Variants in LEKR1 observed in about 807,000 individuals in gnomAD.
LEKR1 encodes leucine, glutamate and lysine rich 1, also known as protein LEKR1.
A neutral mutation model predicts 72.4 loss-of-function variants in LEKR1; 59 were observed. The observed-to-expected ratio is 0.82, with a 90% CI of 0.66 to 1.01. The LOEUF is 1.01. Ranked by LOEUF, LEKR1 falls within the 50% of genes least tolerant of loss-of-function variation. The pLI, the probability that LEKR1 is intolerant of heterozygous loss-of-function variation, is 0.00. For synonymous variants in LEKR1, 257 were observed against 263.2 expected (o/e 0.98, Z 0.23); for missense variants, 728 against 759.2 (o/e 0.96, Z 0.48).
chr3:156,831,262 G>A (rs868329204), intron 2 of LEKR1, among the ~76,000 whole-genome samples: 1 of 152,058 alleles, frequency 6.6e-6, no homozygotes, highest in African/African-American at 2.4e-5. Flanking sequence ...CCAATTGTAG[G>A]TTCTACAATA....
chr3:156,834,730 G>A (rs1470804923), intron 2 of LEKR1, among the ~76,000 whole-genome samples: 1 of 152,148 alleles, frequency 6.6e-6, no homozygotes, highest in Non-Finnish European at 1.5e-5. Context: ...AATGACTGAA[G>A]AATAGACAAG....
intron 3 of LEKR1, among the ~76,000 whole-genome samples, chr3:156,906,728 G>A (rs1722567302): frequency 6.6e-6 from 1 of 152,174 alleles, no homozygotes; most frequent in Admixed American, 6.5e-5. Flanking sequence ...AAGTCAGAGT[G>A]AACTAATGTG....
intron 7 of LEKR1, among the ~76,000 whole-genome samples, chr3:156,982,855 G>GGA (rs1553820692): frequency 7.1e-6 from 1 of 139,998 alleles, no homozygotes; most frequent in Non-Finnish European, 1.5e-5. Flanking sequence ...GTGTGTGTGT[G>GGA]TAGATAGATA....
intron 3 of LEKR1, among the ~76,000 whole-genome samples, chr3:156,888,092 T>A (rs1274520323): frequency 1.3e-5 from 2 of 152,172 alleles, no homozygotes; most frequent in Non-Finnish European, 2.9e-5. Context: ...CCTTAGTTCA[T>A]GTAGCTTTTT....
intron 12 of LEKR1, among the ~76,000 whole-genome samples, chr3:157,041,064 G>A (rs1428443860): frequency 6.6e-6 from 1 of 152,128 alleles, no homozygotes; most frequent in East Asian, 1.9e-4. Context: ...TCAAACATAT[G>A]GTGAACTAAT....
intron 10 of LEKR1, among the ~76,000 whole-genome samples, chr3:157,022,292 C>T (rs1056119279): frequency 1.3e-5 from 2 of 151,890 alleles, no homozygotes; most frequent in South Asian, 2.1e-4. Flanking sequence ...TGAGAAACCA[C>T]GAAGAAGGAA....
chr3:156,927,421 C>G lies in LEKR1; in HGVS notation c.384-8C>G. ...TTTAAAATCCTATTTTTTTTTTTTA[C>G]TTTGCAGTCAAAGATTGTCAGAGTA... On this transcript the variant is annotated splice_polypyrimidine_tract_variant and splice_region_variant and intron_variant, in intron 4 of 12. Transcript: ENST00000356539. 2 of 950,278 alleles carry G rather than the reference C, an allele frequency of 2.1e-6. No homozygotes were observed. Among genetic ancestry groups the G allele is most frequent in the South Asian group, 2.3e-5 (1 of 43,050 alleles). The allele number at this position is 950,278 out of a possible 1,614,324, so 58.9% of individuals were successfully genotyped here.
At chr3:157,026,651 A>T (rs1028134639) in intron 11 of LEKR1, among the ~76,000 whole-genome samples, 5 of 152,224 alleles carry the variant, frequency 3.3e-5, no homozygotes, top group African/African-American at 1.2e-4. Flanking sequence ...TTAACATTTG[A>T]AACAAATTTT....
At chr3:156,948,028 A>T (rs1166264058) in intron 6 of LEKR1, among the ~76,000 whole-genome samples, 5 of 151,164 alleles carry the variant, frequency 3.3e-5, no homozygotes, top group African/African-American at 9.7e-5. Context: ...AGATGATTTC[A>T]TTCACCTCTA....
intron 6 of LEKR1, among the ~76,000 whole-genome samples, chr3:156,969,686 C>A (rs1728978327): frequency 6.6e-6 from 1 of 152,156 alleles, no homozygotes; most frequent in African/African-American, 2.4e-5. Context: ...CGAATTCTAC[C>A]AGAGGTACAA....
chr3:156,980,520 T>C (rs1470352167), intron 7 of LEKR1, among the ~76,000 whole-genome samples: 3 of 152,056 alleles, frequency 2.0e-5, no homozygotes, highest in Non-Finnish European at 2.9e-5. Flanking sequence ...AAGTAACTTT[T>C]TGGGAGATTG....
At chr3:156,832,318 G>T (rs1445540277) in intron 2 of LEKR1, among the ~76,000 whole-genome samples, 1 of 152,126 alleles carries the variant, frequency 6.6e-6, no homozygotes, top group Non-Finnish European at 1.5e-5. Context: ...TCAGATATGG[G>T]GTCATTAGCA....
chr3:157,011,495 T>C lies in LEKR1; in HGVS notation c.1192T>C (p.Trp398Arg), dbSNP rs1172208825. The C allele has an allele frequency of 3.7e-6, 6 of 1,610,928 alleles. No homozygotes were observed. In the Admixed American group the frequency reaches 8.3e-5, roughly 22 times the overall value. Reference protein sequence around the residue: ...LRQKLLSDDNWKEKIEAELAK... With the variant: ...LRQKLLSDDNRKEKIEAELAK... Reference sequence around the variant, plus strand: ...ACAGAAGCTGCTGAGTGATGATAACTGGAAGGAGAAGGTAATGGTAGTGTG... The same window carrying C: ...ACAGAAGCTGCTGAGTGATGATAACCGGAAGGAGAAGGTAATGGTAGTGTG... Residue 398 changes from tryptophan to arginine, a missense_variant, in exon 10 of 13, where the codon TGG (tryptophan) becomes CGG (arginine). Physicochemically the swap from Trp to Arg is moderately radical, Grantham distance 101. Coordinates refer to ENST00000356539, the MANE Select transcript of LEKR1 (RefSeq NM_001004316.3).
chr3:156,880,943 T>C (rs1423744154), intron 3 of LEKR1, among the ~76,000 whole-genome samples: 1 of 152,102 alleles, frequency 6.6e-6, no homozygotes, highest in Non-Finnish European at 1.5e-5. Flanking sequence ...TTCGACAAAA[T>C]TCAAAAACCT....
At chr3:156,873,721 A>G (rs1207355003) in intron 3 of LEKR1, among the ~76,000 whole-genome samples, 1 of 151,978 alleles carries the variant, frequency 6.6e-6, no homozygotes. Context: ...TGTCTGGAAA[A>G]GACTTTATTT....
intron 12 of LEKR1, among the ~76,000 whole-genome samples, chr3:157,028,868 G>T (rs148996337): frequency 6.6e-6 from 1 of 152,080 alleles, no homozygotes; most frequent in African/African-American, 2.4e-5. Flanking sequence ...ATATGCATGC[G>T]TCGGTTTTCT....
chr3:156,856,910 T>A (rs1047908776), intron 3 of LEKR1, among the ~76,000 whole-genome samples: 5 of 152,200 alleles, frequency 3.3e-5, no homozygotes, highest in African/African-American at 1.2e-4. Flanking sequence ...TCCTCCTTTT[T>A]CTTGTCTTAT....
rs553418543 is a variant in LEKR1 at position 156,915,828 on chromosome 3, C to A, written c.264-4747C>A. ...GCTTTTGATGTCATTGTCAAGAAAT[C>A]TTTACCTATTCCTATGTCCAGAATG... On this transcript the variant is annotated intron_variant, in intron 3 of 12. Transcript: ENST00000356539. Among the ~76,000 whole-genome samples the A allele has an allele frequency of 2.0e-5, 3 of 152,260 alleles. No homozygotes were observed. In the East Asian group the frequency reaches 5.8e-4, roughly 29 times the overall value.
intron 9 of LEKR1, among the ~76,000 whole-genome samples, chr3:157,006,672 AATAAAATGAATGAACTATCAATAAG>A (rs1202899902): frequency 1.3e-5 from 2 of 152,246 alleles, no homozygotes; most frequent in Admixed American, 1.3e-4. Context: ...ACTACTCAGC[AATAAAATGAATGAACTATCAATAAG>A]GTACAACCTG....
Sources: allele counts gnomAD v4.1 joint callset (sites outside exome capture counted in the v4.1 genomes callset), GRCh38; gene constraint gnomAD v4.1.1; transcripts MANE v1.5; gene names NCBI Gene and HGNC (gene_info 2026-07-23, HGNC 2026-07-21).